CSMD1: variants seen among roughly 807,000 people sequenced by gnomAD.
The protein encoded by CSMD1 is CUB and sushi domain-containing protein 1.
A neutral mutation model predicts 417.5 loss-of-function variants in CSMD1; 213 were observed. The ratio of observed to expected loss-of-function variants is 0.51; its 90% CI spans 0.46 to 0.57. The LOEUF is 0.57. Among genes scored for constraint, CSMD1 ranks in the 20% least tolerant of loss-of-function variants. CSMD1 has a pLI of 0.00. For missense variants in CSMD1, 6,923 were observed against 4,529.7 expected, an observed-to-expected ratio of 1.53 and a Z score of -15.17; for synonymous variants, 2,862 against 1,736.8, an observed-to-expected ratio of 1.65 and a Z score of -16.11.
chr8:4,930,185 G>C (rs1807153189), intron 1 of CSMD1, among the ~76,000 whole-genome samples: 1 of 152,172 alleles, frequency 6.6e-6, no homozygotes, highest in Non-Finnish European at 1.5e-5. Flanking sequence ...GGCATGGACA[G>C]ACGTTCTCCA....
intron 52 of CSMD1, among the ~76,000 whole-genome samples, chr8:3,008,212 T>C (rs1349108775): frequency 6.6e-6 from 1 of 152,180 alleles, no homozygotes; most frequent in Non-Finnish European, 1.5e-5. Flanking sequence ...CCTAATTTCT[T>C]GATTGGTCAA....
chr8:3,999,262 T>C lies in CSMD1; in HGVS notation c.611-1152A>G, dbSNP rs555896774. ...TGGATGATATGTAAAAGTCAGCCTGTTACCAAGATGGGGGGAGTTTGCTGT... is the reference window on the plus strand; with the variant it reads ...TGGATGATATGTAAAAGTCAGCCTGCTACCAAGATGGGGGGAGTTTGCTGT... On this transcript the variant is annotated intron_variant, in intron 4 of 69. Coordinates refer to ENST00000635120, the MANE Select transcript of CSMD1 (RefSeq NM_033225.6). Among the ~76,000 whole-genome samples the C allele has an allele frequency of 7.2e-5, 11 of 152,244 alleles. No individual in the cohort carries two copies. The East Asian group carries it at 1.9e-3, about 27-fold the overall frequency.
chr8:3,597,413 G>C (rs918150308), intron 8 of CSMD1, among the ~76,000 whole-genome samples: 1 of 75,004 alleles, frequency 1.3e-5, no homozygotes, highest in Admixed American at 1.6e-4. Flanking sequence ...CCCAAATAAA[G>C]TAGGGAACTA....
chr8:4,528,349 G>A (rs1585206397), intron 2 of CSMD1, among the ~76,000 whole-genome samples: 1 of 152,140 alleles, frequency 6.6e-6, no homozygotes, highest in Non-Finnish European at 1.5e-5. Flanking sequence ...GTGGGATCCA[G>A]GAAGTCACAG....
chr8:3,946,144 T>C (rs1379077398), intron 5 of CSMD1, among the ~76,000 whole-genome samples: 4 of 152,088 alleles, frequency 2.6e-5, no homozygotes, highest in African/African-American at 4.8e-5. Context: ...TCTCACATAA[T>C]CCCAATGCAC....
At chr8:3,650,673 C>G (rs1256921423) in intron 7 of CSMD1, among the ~76,000 whole-genome samples, 1 of 152,138 alleles carries the variant, frequency 6.6e-6, no homozygotes, top group African/African-American at 2.4e-5. Context: ...GAGAACTGTT[C>G]GAAGTGGTAA....
intron 18 of CSMD1, among the ~76,000 whole-genome samples, chr8:3,378,318 G>C (rs994666766): frequency 3.3e-5 from 5 of 152,132 alleles, no homozygotes; most frequent in African/African-American, 4.8e-5. Flanking sequence ...TCTCCCAGAA[G>C]TACAAAGAGG....
chr8:4,642,473 G>A (rs1169968039), intron 1 of CSMD1, among the ~76,000 whole-genome samples: 1 of 152,162 alleles, frequency 6.6e-6, no homozygotes, highest in African/African-American at 2.4e-5. Flanking sequence ...TTCCTAGAAA[G>A]TAGCAGCTGA....
intron 52 of CSMD1, among the ~76,000 whole-genome samples, chr8:3,012,030 T>C (rs939403547): frequency 6.6e-6 from 1 of 152,182 alleles, no homozygotes; most frequent in African/African-American, 2.4e-5. Context: ...CACAGTACAG[T>C]TGGTAAATTA....
chr8:4,597,890 G>C (rs1009937351), intron 2 of CSMD1, among the ~76,000 whole-genome samples: 6 of 152,094 alleles, frequency 3.9e-5, no homozygotes, highest in African/African-American at 1.2e-4. Flanking sequence ...AATTAGGTAA[G>C]ATTTGGAGAA....
At chr8:4,325,191 G>T (rs770152811) in intron 3 of CSMD1, among the ~76,000 whole-genome samples, 2 of 152,134 alleles carry the variant, frequency 1.3e-5, no homozygotes, top group Non-Finnish European at 2.9e-5. Context: ...AAAGGAAACT[G>T]TCATGAAAAC....
intron 68 of CSMD1, among the ~76,000 whole-genome samples, chr8:2,948,718 C>T (rs117266898): frequency 6.6e-6 from 1 of 152,070 alleles, no homozygotes; most frequent in African/African-American, 2.4e-5. Context: ...AAACAATTTA[C>T]ACATTTGCCT....
At chr8:4,021,105 G>C (rs149753741) in intron 4 of CSMD1, among the ~76,000 whole-genome samples, 2 of 152,202 alleles carry the variant, frequency 1.3e-5, no homozygotes, top group Non-Finnish European at 1.5e-5. Flanking sequence ...GATACAACAA[G>C]TTTAAAGTTG....
intron 57 of CSMD1, among the ~76,000 whole-genome samples, chr8:2,969,378 A>C (rs1298106681): frequency 6.6e-6 from 1 of 152,210 alleles, no homozygotes; most frequent in Non-Finnish European, 1.5e-5. Context: ...ACTTCATGAG[A>C]TAGATCCATT....
At chr8:3,182,840 A>AGGGGTGTGTGTG (rs746430415) in intron 36 of CSMD1, among the ~76,000 whole-genome samples, 1 of 45,200 alleles carries the variant, frequency 2.2e-5, no homozygotes, top group Non-Finnish European at 3.9e-5. Context: ...CTTTATAAGA[A>AGGGGTGTGTGTG]GGTGTGTGTG....
chr8:3,994,577 G>T (rs970359911), intron 5 of CSMD1, among the ~76,000 whole-genome samples: 1 of 151,846 alleles, frequency 6.6e-6, no homozygotes, highest in Non-Finnish European at 1.5e-5. Flanking sequence ...GTTAAAGCAA[G>T]GGATTGATAG....
chr8:3,090,426 G>A (rs1814863904), intron 48 of CSMD1, among the ~76,000 whole-genome samples: 1 of 151,658 alleles, frequency 6.6e-6, no homozygotes, highest in Non-Finnish European at 1.5e-5. Flanking sequence ...GCAAAGGTCT[G>A]AGTATATTTT....
At chr8:4,481,499 A>C (rs558067645) in intron 2 of CSMD1, among the ~76,000 whole-genome samples, 2 of 152,204 alleles carry the variant, frequency 1.3e-5, no homozygotes, top group Admixed American at 1.3e-4. Flanking sequence ...GATTTGATCA[A>C]ATATCTTCTC....
In CSMD1 at chr8:3,720,790, G is replaced by A. The variant is rs115950272; in HGVS notation, c.932-12299C>T. On this transcript the variant is annotated intron_variant, in intron 6 of 69. Coordinates refer to ENST00000635120, the MANE Select transcript of CSMD1 (RefSeq NM_033225.6). ...TCAGATGCTGACACGATCCAAAACA[G>A]CTTCAGGAGATGTGAACATCTAACG... 4.3e-3 allele frequency among the ~76,000 whole-genome samples: 661 copies of A among 152,114 alleles called. 7 individuals carry two copies. The highest frequency in any genetic ancestry group is 0.015 in the African/African-American group (625 of 41,492).
Sources: allele counts gnomAD v4.1 joint callset (sites outside exome capture counted in the v4.1 genomes callset), GRCh38; gene constraint gnomAD v4.1.1; transcripts MANE v1.5; gene names NCBI Gene and HGNC (gene_info 2026-07-23, HGNC 2026-07-21).